Variants in ORAI2 observed in about 807,000 individuals in gnomAD.
The protein encoded by ORAI2 is protein orai-2.
In ORAI2, 10 loss-of-function variants were observed where a neutral mutation model predicts 16.2. The ratio of observed to expected loss-of-function variants is 0.62; its 90% CI spans 0.38 to 1.04. The LOEUF is 1.04. ORAI2 is among the 50% of genes least tolerant of loss of function. The pLI is 0.01. For synonymous variants in ORAI2, 150 were observed against 157.5 expected (o/e 0.95, Z 0.35); for missense variants, 238 against 355.5 (o/e 0.67, Z 2.66).
chr7:102,446,427 G>A, intron 3 of ORAI2, 86 bp from the exon 4 acceptor site: 1 of 1,411,728 alleles, frequency 7.1e-7, no homozygotes. Context: ...ACCTGGCCCA[G>A]CCCCTGCTCT....
At position 102,445,503 on chromosome 7, in the gene ORAI2, G is replaced by A. The variant is rs117087487; in HGVS notation, c.226-1010G>A. Among the ~76,000 whole-genome samples the A allele has an allele frequency of 7.7e-4, 117 of 152,168 alleles. 1 individual carries two copies. The East Asian group carries it at 0.019, about 25-fold the overall frequency. ...CTCACTCTGTCACCCGGGCTGAAGT[G>A]TAGTGGTGTGATCATAGCTCACTGC... On this transcript the variant is annotated intron_variant, in intron 3 of 3. Transcript: ENST00000495936.
chr7:102,445,252 C>G (rs192909785), intron 3 of ORAI2, among the ~76,000 whole-genome samples: 9 of 151,538 alleles, frequency 5.9e-5, no homozygotes, highest in African/African-American at 2.2e-4. Context: ...GGGGACTCTC[C>G]GCACTTTCAG....
At chr7:102,441,071 T>A (rs1797185177) in intron 3 of ORAI2, among the ~76,000 whole-genome samples, 1 of 151,638 alleles carries the variant, frequency 6.6e-6, no homozygotes, top group Non-Finnish European at 1.5e-5. Flanking sequence ...TTTGATATTC[T>A]TAGTAGAGAT....
Position 102,446,947 on chromosome 7 carries a change from C to T in ORAI2, c.660C>T (p.Arg220=). Residue 220 remains arginine (R), a synonymous_variant, in exon 4 of 4, where the codon CGC becomes CGT. Coordinates refer to ENST00000495936, the MANE Select transcript of ORAI2 (RefSeq NM_001126340.3). The part of the protein sequence containing the change: ...IFVVFTIHFY[R]SLVRHKTERH... ...TGGTCTTCACCATCCACTTCTACCG[C>T]TCCCTGGTGCGCCACAAAACGGAGC... 6.2e-7 allele frequency: 1 copy of T among 1,612,224 alleles called. No individual in the cohort carries two copies.
At position 102,451,030 on chromosome 7, in the gene ORAI2, GTC is replaced by G. The variant is rs1426088021; in HGVS notation, c.*3982_*3983del. The stretch of plus-strand genomic sequence containing the variant: ...AGCCTGGCCCACATGGTGAAACCCT[GTC>G]TCTACTAAAAATACAAAAATTAGCC... On this transcript the variant is annotated 3_prime_UTR_variant, in exon 4 of 4. Transcript: ENST00000495936. 6.6e-6 allele frequency: 1 copy of G among 152,044 alleles called. No individual in the cohort carries two copies. Among genetic ancestry groups the G allele is most frequent in the East Asian group, 1.9e-4 (1 of 5,186 alleles). The allele number at this position is 152,044 out of a possible 1,614,324, so 9.4% of individuals were successfully genotyped here.
At chr7:102,440,477 C>T (rs1563635186) in intron 3 of ORAI2, among the ~76,000 whole-genome samples, 1 of 152,176 alleles carries the variant, frequency 6.6e-6, no homozygotes, top group Non-Finnish European at 1.5e-5. Flanking sequence ...TAAGGACTCA[C>T]AGTGAGGACA....
chr7:102,447,126 C>A lies in ORAI2; in HGVS notation c.*74C>A. On this transcript the variant is annotated 3_prime_UTR_variant, in exon 4 of 4. Coordinates refer to ENST00000495936, the MANE Select transcript of ORAI2 (RefSeq NM_001126340.3). ...GAGGCGGGGATTTGTCAGATGCAGA[C>A]ATTTTGCAAGGCTGCCGGGTAGTTC... 7.0e-7 allele frequency: 1 copy of A among 1,427,482 alleles called. No homozygotes were observed. The highest frequency in any genetic ancestry group is 9.2e-7 in the Non-Finnish European group (1 of 1,089,042). The allele number at this position is 1,427,482 out of a possible 1,614,324, so 88.4% of individuals were successfully genotyped here.
In ORAI2 at chr7:102,446,553, ACC is replaced by A; in HGVS notation, c.268_269del (p.Pro90AlafsTer50). 6.2e-7 allele frequency: 1 copy of A among 1,612,352 alleles called. No individual in the cohort carries two copies. The highest frequency in any genetic ancestry group is 2.2e-5 in the East Asian group (1 of 44,882). On this transcript the variant is annotated frameshift_variant, in exon 4 of 4. Transcript: ENST00000495936. LOFTEE classifies it high-confidence loss of function. Reference sequence around the variant, plus strand: ...GTGCAGCTGGAGACGCAGTACCAGTACCCGCGGCCGCTGCTGATTGCCTTCAG... The same window carrying A: ...GTGCAGCTGGAGACGCAGTACCAGTACGCGGCCGCTGCTGATTGCCTTCAG...
At chr7:102,446,480 ACACCCAG>A in intron 3 of ORAI2, 26 bp from the exon 4 acceptor site, 1 of 1,576,510 alleles carries the variant, frequency 6.3e-7, no homozygotes, top group South Asian at 1.2e-5. Flanking sequence ...TGCCCTCTCC[ACACCCAG>A]CACCACTCGT....
Position 102,438,954 on chromosome 7 carries a change from A to G in ORAI2, c.-3A>G, listed in dbSNP as rs1433249438. On this transcript the variant is annotated 5_prime_UTR_variant, in exon 3 of 4. Transcript: ENST00000495936. ...CTCTCCCACCCTTAGCCTGGCTCCC[A>G]CCATGAGTGCTGAGCTTAACGTGCC... 6.2e-7 allele frequency: 1 copy of G among 1,613,702 alleles called. No individual in the cohort carries two copies. Among genetic ancestry groups the G allele is most frequent in the Non-Finnish European group, 8.5e-7 (1 of 1,179,940 alleles).
intron 2 of ORAI2, among the ~76,000 whole-genome samples, chr7:102,437,126 T>C (rs1487465696): frequency 2.0e-5 from 3 of 152,230 alleles, no homozygotes; most frequent in Non-Finnish European, 2.9e-5. Flanking sequence ...TTCTGATGTT[T>C]AATCCGTGTT....
chr7:102,452,075 A>G lies in ORAI2; in HGVS notation c.*5023A>G, dbSNP rs1489303611. On this transcript the variant is annotated 3_prime_UTR_variant, in exon 4 of 4. Transcript: ENST00000495936. ...CTCCAGCCCCAAGTCCCTGTGGGGC[A>G]GCAGGAACAGGTGGGTCCCTCCTGC... The G allele has an allele frequency of 6.6e-6, 1 of 152,044 alleles. No homozygotes were observed. Among genetic ancestry groups the G allele is most frequent in the Non-Finnish European group, 1.5e-5 (1 of 68,058 alleles). The allele number at this position is 152,044 out of a possible 1,614,324, so 9.4% of individuals were successfully genotyped here. A position where few individuals can be genotyped will look rare whatever the true frequency, so the allele number is the denominator to read the frequency against.
chr7:102,439,212 TG>T, intron 3 of ORAI2, 31 bp downstream of exon 3: 1 of 1,576,918 alleles, frequency 6.3e-7, no homozygotes, highest in Non-Finnish European at 8.7e-7. Context: ...AGGAGCACAC[TG>T]GTCAGATGGG....
rs767828985 is a variant in ORAI2 at position 102,446,521 on chromosome 7, G to A, written c.234G>A (p.Met78Ile). The A allele has an allele frequency of 1.1e-5, 18 of 1,607,652 alleles. No homozygotes were observed. The highest frequency in any genetic ancestry group is 1.4e-5 in the Non-Finnish European group (17 of 1,177,348). The change falls in exon 4 of 4, where the codon ATG becomes ATA. Residue 78 changes from methionine to isoleucine, a missense_variant. Transcript: ENST00000495936. The part of the protein sequence containing the change: ...ALLSGFAMVA[M>I]VEVQLETQYQ... Reference sequence around the variant, plus strand: ...GTCTGCTGTCCCCGCAGGTGGCCATGGTGGAGGTGCAGCTGGAGACGCAGT... The same window carrying A: ...GTCTGCTGTCCCCGCAGGTGGCCATAGTGGAGGTGCAGCTGGAGACGCAGT...
chr7:102,443,424 G>T (rs1008761529), intron 3 of ORAI2, among the ~76,000 whole-genome samples: 1 of 149,808 alleles, frequency 6.7e-6, no homozygotes, highest in Non-Finnish European at 1.5e-5. Context: ...GACTACAGGC[G>T]CCCGCTTTTC....
intron 3 of ORAI2, among the ~76,000 whole-genome samples, chr7:102,443,637 C>T (rs1052361062): frequency 2.0e-5 from 3 of 152,056 alleles, no homozygotes; most frequent in Non-Finnish European, 4.4e-5. Context: ...TTTTTGGATA[C>T]GTTTCACAAG....
chr7:102,440,679 C>T (rs1797174122), intron 3 of ORAI2, among the ~76,000 whole-genome samples: 1 of 151,748 alleles, frequency 6.6e-6, no homozygotes, highest in African/African-American at 2.4e-5. Context: ...GAATTATAGG[C>T]ACGTGCCACC....
intron 1 of ORAI2, among the ~76,000 whole-genome samples, chr7:102,434,121 C>CAA (rs55642836): frequency 2.1e-4 from 14 of 67,014 alleles, no homozygotes; most frequent in African/African-American, 5.6e-4. Flanking sequence ...CTCATTAAAG[C>CAA]AAAAAAAAAA....
At chr7:102,443,660 A>G (rs1797273649) in intron 3 of ORAI2, among the ~76,000 whole-genome samples, 1 of 151,812 alleles carries the variant, frequency 6.6e-6, no homozygotes, top group Admixed American at 6.6e-5. Context: ...CCCCAACTGT[A>G]TTACTGCTGA....
Sources: allele counts gnomAD v4.1 joint callset (sites outside exome capture counted in the v4.1 genomes callset), GRCh38; gene constraint gnomAD v4.1.1; transcripts MANE v1.5; gene names NCBI Gene and HGNC (gene_info 2026-07-23, HGNC 2026-07-21).